KLHL33: variants seen among roughly 807,000 people sequenced by gnomAD.
The protein encoded by KLHL33 is kelch like family member 33.
In KLHL33, 46 loss-of-function variants were observed where a neutral mutation model predicts 60.8. The observed-to-expected ratio is 0.76, with a 90% CI of 0.60 to 0.97. KLHL33 has a LOEUF of 0.97. KLHL33 is among the 50% of genes least tolerant of loss of function. KLHL33 has a pLI of 0.00. For missense variants in KLHL33, 1,055 were observed against 1,000.0 expected (o/e 1.05, Z -0.74); for synonymous variants, 434 against 432.2 (o/e 1.00, Z -0.05).
In KLHL33 at chr14:20,429,376, A is replaced by G. The variant is rs980646674; in HGVS notation, c.1867T>C (p.Cys623Arg). ...AAAATCGCAGCTGCGTGGGCAAAAC[A>G]TGGTGCTGGAAGTGCAGGTGCTGGC... ...WRPAPALPAPCFAHAAAILEG... is the reference protein window; with the variant it reads ...WRPAPALPAPRFAHAAAILEG... Residue 623 changes from cysteine to arginine, a missense_variant, in exon 5 of 5, where the codon TGT (cysteine) becomes CGT (arginine). Cys to Arg is a radical substitution (Grantham distance 180, BLOSUM62 -3). Coordinates refer to ENST00000636854, the MANE Select transcript of KLHL33 (RefSeq NM_001365790.2). 3.2e-6 allele frequency: 5 copies of G among 1,551,650 alleles called. No homozygotes were observed. The highest frequency in any genetic ancestry group is 2.7e-5 in the African/African-American group (2 of 73,044).
At position 20,428,792 on chromosome 14, in the gene KLHL33, T is replaced by C; in HGVS notation, c.*57A>G. ...CTCTTTTCACTCCCCACAATCTCTGTCCTTCTCTCAGGCTATTTCTTATGC... is the reference window on the plus strand; with the variant it reads ...CTCTTTTCACTCCCCACAATCTCTGCCCTTCTCTCAGGCTATTTCTTATGC... On this transcript the variant is annotated 3_prime_UTR_variant, in exon 5 of 5. Transcript: ENST00000636854. 2 of 1,400,528 alleles carry C rather than the reference T, an allele frequency of 1.4e-6. No individual in the cohort carries two copies. The highest frequency in any genetic ancestry group is 1.9e-6 in the Non-Finnish European group (2 of 1,027,838). 86.8% of individuals were successfully genotyped at this position (1,400,528 alleles called of 1,614,324 possible).
chr14:20,429,111 T>C lies in KLHL33; in HGVS notation c.2132A>G (p.His711Arg). 4 of 1,551,592 alleles carry C rather than the reference T, an allele frequency of 2.6e-6. No homozygotes were observed. The highest frequency in any genetic ancestry group is 3.5e-6 in the Non-Finnish European group (4 of 1,146,888). ...AYELRTDSWT[H>R]LAPLPSPHVG... ...ATGGGGGGAGGGTAGGGGTGCCAGG[T>C]GAGTCCAGCTATCAGTCCTTAGTTC... The change falls in exon 5 of 5, where the codon CAC becomes CGC. Residue 711 changes from histidine to arginine, a missense_variant. By Grantham distance (29) the His-to-Arg change is conservative. Coordinates refer to ENST00000636854, the MANE Select transcript of KLHL33 (RefSeq NM_001365790.2).
Position 20,428,957 on chromosome 14 carries a change from T to A in KLHL33, c.2286A>T (p.Gly762=). 1 of 1,551,536 alleles carries A rather than the reference T, an allele frequency of 6.4e-7. No individual in the cohort carries two copies. The highest frequency in any genetic ancestry group is 8.7e-7 in the Non-Finnish European group (1 of 1,146,944). The change falls in exon 5 of 5, where the codon GGA becomes GGT. Residue 762 remains glycine, a synonymous_variant. Transcript: ENST00000636854. The part of the protein sequence containing the change: ...CPGLGRWLCL[G]TLPRPRAEMP... ...TCTCAGCCCGAGGCCTTGGCAGAGT[T>A]CCCAGGCAGAGCCATCGGCCCAGGC...
At position 20,435,289 on chromosome 14, in the gene KLHL33, G is replaced by A; in HGVS notation, c.523C>T (p.Pro175Ser). The part of the protein sequence containing the change: ...LTFAYEGVLG[P>S]ASQGDVLAAA... ...GCCAGCACATCCCCCTGCGAGGCGGGGCCCAGCACCCCCTCATAGGCAAAG... is the reference window on the plus strand; with the variant it reads ...GCCAGCACATCCCCCTGCGAGGCGGAGCCCAGCACCCCCTCATAGGCAAAG... The change falls in exon 2 of 5, where the codon CCC becomes TCC. Residue 175 changes from proline (P) to serine (S), a missense_variant. Pro to Ser is a moderately conservative substitution (Grantham distance 74). Transcript: ENST00000636854. 2 of 1,234,376 alleles carry A rather than the reference G, an allele frequency of 1.6e-6. No individual in the cohort carries two copies. Among genetic ancestry groups the A allele is most frequent in the South Asian group, 4.1e-5 (1 of 24,414 alleles). 76.5% of individuals were successfully genotyped at this position (1,234,376 alleles called of 1,614,324 possible).
Position 20,429,829 on chromosome 14 carries a change from A to G in KLHL33, c.1639T>C (p.Tyr547His). 5 of 1,547,674 alleles carry G rather than the reference A, an allele frequency of 3.2e-6. No homozygotes were observed. The highest frequency in any genetic ancestry group is 4.4e-6 in the Non-Finnish European group (5 of 1,144,604). Reference sequence around the variant, plus strand: ...GAAGCCAGGGTGTTGGAGTGACTGTAGAAATCTTGTCCCCCACACACATAG... The same window carrying G: ...GAAGCCAGGGTGTTGGAGTGACTGTGGAAATCTTGTCCCCCACACACATAG... ...ELYVCGGQDF[Y>H]SHSNTLASTL... is the part of the protein sequence containing the mutation. The change falls in exon 3 of 5, where the codon TAC becomes CAC. Residue 547 changes from tyrosine (Y) to histidine (H), a missense_variant. By Grantham distance (83) the Tyr-to-His change is moderately conservative (BLOSUM62 2). Transcript: ENST00000636854.
rs1880255831 is a variant in KLHL33 at position 20,425,978 on chromosome 14, TTC to T, written c.*2869_*2870del. The T allele has an allele frequency of 6.6e-6, 1 of 152,236 alleles. No homozygotes were observed. The highest frequency in any genetic ancestry group is 2.4e-5 in the African/African-American group (1 of 41,466). 9.4% of individuals were successfully genotyped at this position (152,236 alleles called of 1,614,324 possible). On this transcript the variant is annotated 3_prime_UTR_variant, in exon 5 of 5. Coordinates refer to ENST00000636854, the MANE Select transcript of KLHL33 (RefSeq NM_001365790.2). ...CCTTCTTCCCGTTCTTTATTCTTCC[TTC>T]TCTTTTCTCTTATACATCCTACTTA...
intron 2 of KLHL33, among the ~76,000 whole-genome samples, chr14:20,432,980 A>AAGAAAGAAAGAAAGAAAGAG: frequency 6.6e-6 from 1 of 151,684 alleles, no homozygotes; most frequent in Admixed American, 6.6e-5. Context: ...GAAAGAAAGA[A>AAGAAAGAAAGAAAGAAAGAG]AGAAAGAGAG....
chr14:20,430,544 C>G lies in KLHL33; in HGVS notation c.924G>C (p.Leu308=), dbSNP rs1188449499. Residue 308 remains leucine, a synonymous_variant, in exon 3 of 5, where the codon CTG becomes CTC. Coordinates refer to ENST00000636854, the MANE Select transcript of KLHL33 (RefSeq NM_001365790.2). ...GVVRARWPGL[L]RAAQAALQYQ... The stretch of plus-strand genomic sequence containing the variant: ...ACTGCAGAGCAGCCTGGGCAGCTCT[C>G]AGTAGCCCTGGCCACCTTGCCCGCA... 1.9e-5 allele frequency: 29 copies of G among 1,542,752 alleles called. No homozygotes were observed. Among genetic ancestry groups the G allele is most frequent in the Non-Finnish European group, 2.5e-5 (29 of 1,147,024 alleles).
chr14:20,429,473 C>G (rs1465262797), intron 4 of KLHL33, 29 bp downstream of exon 4: 3 of 1,551,430 alleles, frequency 1.9e-6, no homozygotes, highest in African/African-American at 1.4e-5. Context: ...GTCTCCTAAT[C>G]TCTCCCAGAT....
intron 2 of KLHL33, among the ~76,000 whole-genome samples, chr14:20,431,179 T>A (rs1458453328): frequency 2.0e-5 from 3 of 152,142 alleles, no homozygotes; most frequent in Non-Finnish European, 4.4e-5. Flanking sequence ...CAAAATAAAA[T>A]TCTTTACAAT....
intron 2 of KLHL33, among the ~76,000 whole-genome samples, 171 bp downstream of exon 2, chr14:20,434,893 G>T (rs895099482): frequency 6.6e-6 from 1 of 152,190 alleles, no homozygotes. Flanking sequence ...ACTCGACTGC[G>T]CATGCCCGGC....
Position 20,430,704 on chromosome 14 carries a change from A to G in KLHL33, c.764T>C (p.Leu255Pro). ...GCQLSVHRAA[L>P]ACGSEFFGAM... ...CCCAAAGAACTCACTGCCACAGGCC[A>G]GGGCGGCTCGGTGCACTGCAGGAGG... The change falls in exon 3 of 5, where the codon CTG becomes CCG. Residue 255 changes from leucine (L) to proline (P), a missense_variant. By Grantham distance (98) the Leu-to-Pro change is moderately conservative (BLOSUM62 -3). Coordinates refer to ENST00000636854, the MANE Select transcript of KLHL33 (RefSeq NM_001365790.2). 6.6e-7 allele frequency: 1 copy of G among 1,522,302 alleles called. No homozygotes were observed. Among genetic ancestry groups the G allele is most frequent in the Non-Finnish European group, 8.8e-7 (1 of 1,139,440 alleles). The allele number at this position is 1,522,302 out of a possible 1,614,324, so 94.3% of individuals were successfully genotyped here.
chr14:20,430,116 T>A lies in KLHL33; in HGVS notation c.1352A>T (p.Asp451Val), dbSNP rs1243547020. The change falls in exon 3 of 5, where the codon GAT becomes GTT. Residue 451 changes from aspartate (D) to valine (V), a missense_variant. Physicochemically the swap from Asp to Val is radical, Grantham distance 152. Transcript: ENST00000636854. Reference protein sequence around the residue: ...AAGLLPPLTPDLLHQLMVEAD... With the variant: ...AAGLLPPLTPVLLHQLMVEAD... ...CTCTACCATCAGCTGGTGCAACAGA[T>A]CTGGGGTCAGGGGTGGAAGTAGCCC... The A allele has an allele frequency of 6.4e-7, 1 of 1,551,538 alleles. No individual in the cohort carries two copies. Among genetic ancestry groups the A allele is most frequent in the Non-Finnish European group, 8.7e-7 (1 of 1,147,004 alleles).
rs1274559844 is a variant in KLHL33 at position 20,430,375 on chromosome 14, G to T, written c.1093C>A (p.His365Asn). ...WSKARHYLLT[H>N]LPAVALCPAF... Reference sequence around the variant, plus strand: ...GGACACAAGGCTACAGCAGGCAGGTGGGTGAGGAGGTAGTGACGGGCTTTG... The same window carrying T: ...GGACACAAGGCTACAGCAGGCAGGTTGGTGAGGAGGTAGTGACGGGCTTTG... The change falls in exon 3 of 5, where the codon CAC (histidine) becomes AAC (asparagine). Residue 365 changes from histidine to asparagine, a missense_variant. Physicochemically the swap from His to Asn is moderately conservative, Grantham distance 68 (BLOSUM62 1). Coordinates refer to ENST00000636854, the MANE Select transcript of KLHL33 (RefSeq NM_001365790.2). The T allele has an allele frequency of 6.4e-7, 1 of 1,551,836 alleles. No individual in the cohort carries two copies. Among genetic ancestry groups the T allele is most frequent in the Admixed American group, 2.0e-5 (1 of 51,010 alleles).
intron 1 of KLHL33, 68 bp downstream of exon 1, chr14:20,436,031 A>G (rs1325546810): frequency 5.2e-6 from 2 of 385,078 alleles, no homozygotes; most frequent in Non-Finnish European, 9.1e-6. Flanking sequence ...GAAACATGCA[A>G]GAAGCCCTGT....
rs1880446602 is a variant in KLHL33, at chr14:20,430,053, T to G, written c.1415A>C (p.Asp472Ala). 3.9e-6 allele frequency: 6 copies of G among 1,551,622 alleles called. No homozygotes were observed. In the South Asian group the frequency reaches 7.1e-5, roughly 18 times the overall value. ...VPGQERRREP[D>A]RALVVIGGDG... ...CCCGCCAATCACTACCAGTGCCCGGTCAGGCTCCCTCCGTCTCTCTTGGCC... is the reference window on the plus strand; with the variant it reads ...CCCGCCAATCACTACCAGTGCCCGGGCAGGCTCCCTCCGTCTCTCTTGGCC... Residue 472 changes from aspartate to alanine, a missense_variant, in exon 3 of 5, where the codon GAC becomes GCC. By Grantham distance (126) the Asp-to-Ala change is moderately radical. Coordinates refer to ENST00000636854, the MANE Select transcript of KLHL33 (RefSeq NM_001365790.2).
chr14:20,435,816 A>G lies in KLHL33; in HGVS notation c.-5T>C. The G allele has an allele frequency of 8.1e-7, 1 of 1,234,304 alleles. No individual in the cohort carries two copies. Among genetic ancestry groups the G allele is most frequent in the Non-Finnish European group, 1.0e-6 (1 of 988,434 alleles). 76.5% of individuals were successfully genotyped at this position (1,234,304 alleles called of 1,614,324 possible). A position where few individuals can be genotyped will look rare whatever the true frequency, so the allele number is the denominator to read the frequency against. On this transcript the variant is annotated 5_prime_UTR_variant, in exon 2 of 5. Transcript: ENST00000636854. ...TGGGGTGTCCGAGACGCTCATGCCG[A>G]GGTTTGCTGGATAGCTGCAGGTGAG... is the stretch of plus-strand genomic sequence containing the variant.
In KLHL33 at chr14:20,435,766, C is replaced by G. The variant is rs1880677001; in HGVS notation, c.46G>C (p.Val16Leu). 1.6e-6 allele frequency: 2 copies of G among 1,234,388 alleles called. No homozygotes were observed. The highest frequency in any genetic ancestry group is 3.1e-5 in the African/African-American group (2 of 64,586). The allele number at this position is 1,234,388 out of a possible 1,614,324, so 76.5% of individuals were successfully genotyped here. ...CAGTCCCTCTGGACGGGATGAGAGA[C>G]ACTCTCCAGCTCAGGGGGATAATGT... The part of the protein sequence containing the change: ...TPHYPPELES[V>L]SHPVQRDCLG... Residue 16 changes from valine (V) to leucine (L), a missense_variant, in exon 2 of 5, where the codon GTC (valine) becomes CTC (leucine). Coordinates refer to ENST00000636854, the MANE Select transcript of KLHL33 (RefSeq NM_001365790.2).
intron 2 of KLHL33, among the ~76,000 whole-genome samples, chr14:20,432,976 A>AAGAAAG: frequency 6.6e-6 from 1 of 151,632 alleles, no homozygotes; most frequent in South Asian, 2.1e-4. Flanking sequence ...GAAAGAAAGA[A>AAGAAAG]AGAAAGAAAG....
Sources: gnomAD v4.1 joint callset for allele counts (sites outside exome capture counted in the v4.1 genomes callset) on GRCh38, gnomAD v4.1.1 for gene constraint, MANE v1.5 for transcripts, NCBI Gene and HGNC (gene_info 2026-07-23, HGNC 2026-07-21) for gene names.